Variants in NRG3 observed in about 807,000 individuals in gnomAD.
NRG3 encodes the protein pro-neuregulin-3, membrane-bound isoform.
A neutral mutation model predicts 66.9 loss-of-function variants in NRG3; 31 were observed. That is an observed-to-expected ratio of 0.46 (90% CI 0.35 to 0.63). NRG3 has a LOEUF of 0.63. Ranked by LOEUF, NRG3 falls within the 20% of genes least tolerant of loss-of-function variation. The pLI, the probability that NRG3 is intolerant of heterozygous loss-of-function variation, is 0.00. For missense variants in NRG3, 910 were observed against 878.9 expected (o/e 1.04, Z -0.45); for synonymous variants, 393 against 359.4 (o/e 1.09, Z -1.06).
rs567133472 is a variant in NRG3, at chr10:81,949,623, G to A, written c.823+73460G>A. ...TAATTATTGTATGACATTTTTTTCT[G>A]TATTTAATGGTTAAGATTTAGGGAA... is the stretch of plus-strand genomic sequence containing the variant. On this transcript the variant is annotated intron_variant, in intron 1 of 8. Coordinates refer to ENST00000372141, the MANE Select transcript of NRG3 (RefSeq NM_001010848.4). Among the ~76,000 whole-genome samples the A allele has an allele frequency of 2.0e-5, 3 of 152,064 alleles. No homozygotes were observed. The East Asian group carries it at 5.8e-4, about 29-fold the overall frequency.
chr10:82,288,909 TG>T (rs1464646241), intron 1 of NRG3, among the ~76,000 whole-genome samples: 1 of 152,246 alleles, frequency 6.6e-6, no homozygotes, highest in African/African-American at 2.4e-5. Context: ...AATCCACGTT[TG>T]GTCACTTTAG....
At chr10:82,109,933 T>C (rs146439835) in intron 1 of NRG3, among the ~76,000 whole-genome samples, 202 of 152,292 alleles carry the variant, frequency 1.3e-3, no homozygotes, top group African/African-American at 4.5e-3. Context: ...AGTGCTCTTC[T>C]TAATCACTGT....
intron 1 of NRG3, among the ~76,000 whole-genome samples, chr10:82,324,187 A>G (rs577963231): frequency 1.4e-4 from 22 of 152,204 alleles, no homozygotes; most frequent in African/African-American, 4.6e-4. Flanking sequence ...TGTTTCATCA[A>G]AGTGTTTGTT....
chr10:82,898,035 C>A (rs1450829964), intron 4 of NRG3, among the ~76,000 whole-genome samples: 3 of 152,198 alleles, frequency 2.0e-5, no homozygotes, highest in Non-Finnish European at 4.4e-5. Context: ...GGTCCTCAAT[C>A]TTGTGCAGCA....
intron 3 of NRG3, among the ~76,000 whole-genome samples, chr10:82,804,104 C>A (rs755705430): frequency 8.5e-5 from 13 of 152,128 alleles, no homozygotes; most frequent in African/African-American, 2.7e-4. Context: ...GTGCTAGTGT[C>A]CAAGTAACCC....
chr10:81,903,874 C>T (rs931819151), intron 1 of NRG3, among the ~76,000 whole-genome samples: 1 of 152,078 alleles, frequency 6.6e-6, no homozygotes, highest in African/African-American at 2.4e-5. Flanking sequence ...TAAATTTTTA[C>T]AGCAGTTATC....
At chr10:82,418,239 A>C (rs985345453) in intron 2 of NRG3, among the ~76,000 whole-genome samples, 1 of 152,118 alleles carries the variant, frequency 6.6e-6, no homozygotes, top group Non-Finnish European at 1.5e-5. Flanking sequence ...GAACAACCAG[A>C]TTTGGGGATG....
intron 2 of NRG3, among the ~76,000 whole-genome samples, chr10:82,599,700 C>A (rs768212797): frequency 1.3e-5 from 2 of 152,008 alleles, no homozygotes; most frequent in Non-Finnish European, 2.9e-5. Context: ...GCCTGTAATC[C>A]CAGCTACTTG....
At chr10:82,345,425 C>G (rs1234861760) in intron 1 of NRG3, among the ~76,000 whole-genome samples, 2 of 151,816 alleles carry the variant, frequency 1.3e-5, no homozygotes, top group East Asian at 3.9e-4. Flanking sequence ...TGATCTATAT[C>G]TCTGTTTTGG....
At position 82,399,566 on chromosome 10, in the gene NRG3, C is replaced by T. The variant is rs139247712; in HGVS notation, c.953+40698C>T. ...ATGGCCTGGTTCTGGTGAGGGTCCT[C>T]CTCCAGGTTGCAGACTGCCAACTTC... is the stretch of plus-strand genomic sequence containing the variant. On this transcript the variant is annotated intron_variant, in intron 2 of 8. Coordinates refer to ENST00000372141, the MANE Select transcript of NRG3 (RefSeq NM_001010848.4). 4.2e-4 allele frequency among the ~76,000 whole-genome samples: 64 copies of T among 152,298 alleles called. No homozygotes were observed. The East Asian group carries it at 0.012, about 28-fold the overall frequency.
At chr10:82,015,030 A>G (rs1408008203) in intron 1 of NRG3, among the ~76,000 whole-genome samples, 4 of 152,128 alleles carry the variant, frequency 2.6e-5, no homozygotes, top group Non-Finnish European at 5.9e-5. Context: ...AGGAATTTGT[A>G]TGCTTTAATC....
At chr10:82,313,180 C>CA (rs1316600833) in intron 1 of NRG3, among the ~76,000 whole-genome samples, 1 of 151,332 alleles carries the variant, frequency 6.6e-6, no homozygotes, top group Non-Finnish European at 1.5e-5. Context: ...CTCAAAAAAA[C>CA]AAAAAAATTA....
chr10:82,612,218 T>G (rs1434440728), intron 2 of NRG3, among the ~76,000 whole-genome samples: 1 of 152,244 alleles, frequency 6.6e-6, no homozygotes, highest in Non-Finnish European at 1.5e-5. Flanking sequence ...ATAGGTTGCC[T>G]GTTCACTCTA....
At chr10:82,772,879 A>G (rs898704059) in intron 3 of NRG3, among the ~76,000 whole-genome samples, 2 of 151,428 alleles carry the variant, frequency 1.3e-5, no homozygotes, top group African/African-American at 4.9e-5. Context: ...CTAATTTTTT[A>G]TTTTTTGTAG....
chr10:82,184,770 T>C lies in NRG3; in HGVS notation c.824-173969T>C, dbSNP rs191285075. On this transcript the variant is annotated intron_variant, in intron 1 of 8. Transcript: ENST00000372141. ...ATCTTACTGGTTTATGGGACTTATC[T>C]TTGGGCTTTATTAAAATCCTGCATT... 3.3e-4 allele frequency among the ~76,000 whole-genome samples: 50 copies of C among 152,212 alleles called. 1 individual carries two copies. Among genetic ancestry groups the C allele is most frequent in the Non-Finnish European group, 7.1e-4 (48 of 67,992 alleles).
intron 2 of NRG3, among the ~76,000 whole-genome samples, chr10:82,413,207 T>C (rs1206220599): frequency 6.6e-6 from 1 of 152,172 alleles, no homozygotes; most frequent in Non-Finnish European, 1.5e-5. Flanking sequence ...ACGTATTTCT[T>C]AGATAATAAA....
intron 3 of NRG3, among the ~76,000 whole-genome samples, chr10:82,837,913 C>G (rs901818427): frequency 2.0e-5 from 3 of 152,156 alleles, no homozygotes; most frequent in African/African-American, 4.8e-5. Flanking sequence ...CATCAACAAA[C>G]AGTAGTACCT....
intron 1 of NRG3, among the ~76,000 whole-genome samples, chr10:82,007,809 A>G (rs905771455): frequency 1.3e-5 from 2 of 152,184 alleles, no homozygotes; most frequent in African/African-American, 4.8e-5. Flanking sequence ...TTTATATGCT[A>G]CAACTTTTTC....
intron 1 of NRG3, among the ~76,000 whole-genome samples, chr10:82,197,379 G>T (rs2074506071): frequency 1.3e-5 from 2 of 152,098 alleles, no homozygotes; most frequent in South Asian, 4.1e-4. Context: ...AGGCTCCAGG[G>T]TGCTTTCTGT....
Sources: gnomAD v4.1 joint callset for allele counts (sites outside exome capture counted in the v4.1 genomes callset) on GRCh38, gnomAD v4.1.1 for gene constraint, MANE v1.5 for transcripts, NCBI Gene and HGNC (gene_info 2026-07-23, HGNC 2026-07-21) for gene names.